The following MTUS2 variants were observed in gnomAD, a reference collection of about 807,000 sequenced individuals.
MTUS2 encodes the protein microtubule-associated tumor suppressor candidate 2.
A neutral mutation model predicts 114.1 loss-of-function variants in MTUS2; 40 were observed. The ratio of observed to expected loss-of-function variants is 0.35; its 90% confidence interval spans 0.27 to 0.46. MTUS2 has a LOEUF of 0.46. Ranked by LOEUF, MTUS2 falls within the 20% of genes least tolerant of loss-of-function variation. The pLI is 1.00. For synonymous variants in MTUS2, 688 were observed against 672.0 expected (o/e 1.02, Z -0.37); for missense variants, 1,679 against 1,705.4 (o/e 0.98, Z 0.27).
At chr13:29,477,255 T>G (rs1880771433) in intron 9 of MTUS2, among the ~76,000 whole-genome samples, 1 of 152,246 alleles carries the variant, frequency 6.6e-6, no homozygotes, top group African/African-American at 2.4e-5. Context: ...TTAATTGACA[T>G]TCTATGGTCT....
At chr13:28,864,978 A>G (rs926640621) in intron 2 of MTUS2, among the ~76,000 whole-genome samples, 1 of 152,236 alleles carries the variant, frequency 6.6e-6, no homozygotes, top group Non-Finnish European at 1.5e-5. Flanking sequence ...CTTGAAGAAT[A>G]TGAAACCATA....
intron 5 of MTUS2, among the ~76,000 whole-genome samples, chr13:29,161,832 C>A (rs569726925): frequency 6.6e-6 from 1 of 152,204 alleles, no homozygotes. Context: ...TGTGTGGCCT[C>A]CTGGTTCCCA....
chr13:29,040,699 TC>T (rs780353710), intron 4 of MTUS2, among the ~76,000 whole-genome samples: 16 of 152,250 alleles, frequency 1.1e-4, no homozygotes, highest in Non-Finnish European at 1.8e-4. Flanking sequence ...GATTTGCATC[TC>T]CCTGATAATT....
At chr13:29,175,768 G>A (rs1893746155) in intron 5 of MTUS2, among the ~76,000 whole-genome samples, 1 of 81,494 alleles carries the variant, frequency 1.2e-5, no homozygotes, top group Admixed American at 1.2e-4. Context: ...CTCAACAATA[G>A]GTTTTCTTTT....
intron 6 of MTUS2, chr13:29,307,932 G>T (rs1488703688): frequency 5.9e-6 from 3 of 509,788 alleles, no homozygotes; most frequent in Admixed American, 6.3e-5. Context: ...GGCCTAGGGA[G>T]CCCCACCTTG....
chr13:29,287,645 C>CA (rs1898544989), intron 6 of MTUS2, among the ~76,000 whole-genome samples: 1 of 152,194 alleles, frequency 6.6e-6, no homozygotes, highest in African/African-American at 2.4e-5. Context: ...GTTGAAAACT[C>CA]AAACATTCTT....
chr13:28,841,992 GT>G (rs1158665599), intron 2 of MTUS2, among the ~76,000 whole-genome samples: 7 of 152,130 alleles, frequency 4.6e-5, no homozygotes, highest in African/African-American at 7.2e-5. Flanking sequence ...GCCAAAGTTT[GT>G]TTTCTTATTG....
intron 2 of MTUS2, among the ~76,000 whole-genome samples, chr13:28,859,936 C>T (rs1245285259): frequency 6.6e-6 from 1 of 152,186 alleles, no homozygotes; most frequent in African/African-American, 2.4e-5. Context: ...CTGATCAGTA[C>T]ACTCCATCCT....
chr13:29,301,772 TAA>T (rs1899213761), intron 6 of MTUS2, among the ~76,000 whole-genome samples: 1 of 152,220 alleles, frequency 6.6e-6, no homozygotes. Context: ...CAGGCTGCTT[TAA>T]TAAAATACCA....
rs140998877 is a variant in MTUS2 at position 29,448,902 on chromosome 13, G to T, written c.3184+8853G>T. 7.2e-4 allele frequency among the ~76,000 whole-genome samples: 109 copies of T among 151,786 alleles called. No homozygotes were observed. The East Asian group carries it at 8.9e-3, about 12-fold the overall frequency. On this transcript the variant is annotated intron_variant, in intron 9 of 15. Coordinates refer to ENST00000612955, the MANE Select transcript of MTUS2 (RefSeq NM_001033602.4). Reference sequence around the variant, plus strand: ...CCTAGTAGCTAGGATTACAGACACGGGCCACCACGCCCGGCTAGTTTTTGT... The same window carrying T: ...CCTAGTAGCTAGGATTACAGACACGTGCCACCACGCCCGGCTAGTTTTTGT...
At chr13:29,188,393 C>G (rs193087767) in intron 5 of MTUS2, among the ~76,000 whole-genome samples, 1 of 152,044 alleles carries the variant, frequency 6.6e-6, no homozygotes, top group Non-Finnish European at 1.5e-5. Flanking sequence ...TGAATGAGCC[C>G]GAAATGGCCT....
At chr13:29,287,904 A>AC (rs1337258247) in intron 6 of MTUS2, among the ~76,000 whole-genome samples, 1 of 152,208 alleles carries the variant, frequency 6.6e-6, no homozygotes, top group Non-Finnish European at 1.5e-5. Context: ...GGAGAAGCAC[A>AC]GAGAAACAAT....
chr13:29,075,440 A>G (rs1056248182), intron 4 of MTUS2, among the ~76,000 whole-genome samples: 3 of 152,186 alleles, frequency 2.0e-5, no homozygotes, highest in South Asian at 2.1e-4. Flanking sequence ...TTCTGCCTGC[A>G]GAAGTTTGGT....
chr13:29,030,505 G>A (rs1230379912), intron 3 of MTUS2, among the ~76,000 whole-genome samples: 2 of 152,114 alleles, frequency 1.3e-5, no homozygotes, highest in African/African-American at 4.8e-5. Flanking sequence ...ACTCAAAAGT[G>A]GGGAACAGGC....
At chr13:29,105,735 C>T (rs576546523) in intron 5 of MTUS2, among the ~76,000 whole-genome samples, 1 of 149,996 alleles carries the variant, frequency 6.7e-6, no homozygotes, top group South Asian at 2.1e-4. Context: ...GAGAGGCTGA[C>T]GTTCGCATAA....
chr13:28,878,505 C>T (rs1293501101), intron 2 of MTUS2, among the ~76,000 whole-genome samples: 2 of 152,066 alleles, frequency 1.3e-5, no homozygotes, highest in East Asian at 3.9e-4. Flanking sequence ...TACTTATAGG[C>T]CCTAGTATGT....
intron 5 of MTUS2, among the ~76,000 whole-genome samples, chr13:29,152,680 T>G (rs771970596): frequency 2.6e-5 from 4 of 152,026 alleles, no homozygotes; most frequent in African/African-American, 4.8e-5. Flanking sequence ...TCTGTAGAGA[T>G]GCCTCAAGAT....
At chr13:29,234,383 C>T (rs1044775701) in intron 5 of MTUS2, among the ~76,000 whole-genome samples, 2 of 152,094 alleles carry the variant, frequency 1.3e-5, no homozygotes, top group African/African-American at 4.8e-5. Flanking sequence ...GATTATCTTA[C>T]ACAAGCATTT....
intron 7 of MTUS2, among the ~76,000 whole-genome samples, chr13:29,355,050 C>T (rs945775499): frequency 2.6e-5 from 4 of 152,320 alleles, no homozygotes; most frequent in East Asian, 3.9e-4. Flanking sequence ...TTGAGGTTCC[C>T]GTGCTGCACT....
Sources: allele counts gnomAD v4.1 joint callset (sites outside exome capture counted in the v4.1 genomes callset), GRCh38; gene constraint gnomAD v4.1.1; transcripts MANE v1.5; gene names NCBI Gene and HGNC (gene_info 2026-07-23, HGNC 2026-07-21).